EP400: variants seen among roughly 807,000 people sequenced by gnomAD.
The protein encoded by EP400 is E1A binding protein p400.
EP400 carries 105 observed loss-of-function variants against 354.1 expected under a neutral mutation model. The observed-to-expected ratio is 0.30, with a 90% confidence interval of 0.25 to 0.35. The LOEUF (loss-of-function observed/expected upper bound fraction) is 0.35, where lower values mean the gene tolerates loss of function less well. EP400 is among the 10% of genes least tolerant of loss of function. The probability of loss-of-function intolerance (pLI) is 1.00; values close to 1 mark genes in which losing one functional copy is unlikely to be tolerated. For missense variants in EP400, 3,280 were observed against 4,121.0 expected (o/e 0.80, Z 5.59); for synonymous variants, 1,646 against 1,716.9 (o/e 0.96, Z 1.02).
chr12:132,044,445 A>G, intron 35 of EP400, 134 bp downstream of exon 35: 2 of 1,332,130 alleles, frequency 1.5e-6, no homozygotes, highest in Admixed American at 2.7e-5. Context: ...TCATATCAAC[A>G]CAACCTCACT....
intron 21 of EP400, among the ~76,000 whole-genome samples, chr12:132,019,171 T>C (rs1894039142): frequency 6.6e-6 from 1 of 152,200 alleles, no homozygotes; most frequent in Admixed American, 6.5e-5. Context: ...CAGTGGGTGC[T>C]AGTCTGTCTT....
At chr12:132,014,391 G>A (rs1190824808) in intron 19 of EP400, among the ~76,000 whole-genome samples, 1 of 152,146 alleles carries the variant, frequency 6.6e-6, no homozygotes, top group East Asian at 1.9e-4. Context: ...CCATGTGATG[G>A]CCAGCCGCTG....
Position 131,987,796 on chromosome 12 carries a change from C to G in EP400, c.2315C>G (p.Pro772Arg). 1 of 1,613,338 alleles carries G rather than the reference C, an allele frequency of 6.2e-7. No homozygotes were observed. The highest frequency in any genetic ancestry group is 1.1e-5 in the South Asian group (1 of 90,990). ...RLPKLQEAPRPKSHWDYLLEE... is the reference protein window; with the variant it reads ...RLPKLQEAPRRKSHWDYLLEE... The stretch of plus-strand genomic sequence containing the variant: ...CCAAAGCTGCAGGAGGCCCCACGCC[C>G]CAAGTCCCACTGGGACTATCTGCTG... The change falls in exon 7 of 53, where the codon CCC (proline) becomes CGC (arginine). Residue 772 changes from proline to arginine, a missense_variant. Coordinates refer to ENST00000389561, the MANE Select transcript of EP400 (RefSeq NM_015409.5).
intron 1 of EP400, among the ~76,000 whole-genome samples, chr12:131,959,817 C>A (rs1444049213): frequency 6.6e-6 from 1 of 152,238 alleles, no homozygotes; most frequent in Non-Finnish European, 1.5e-5. Flanking sequence ...TAGCTCCTGG[C>A]ACAGGCTGGC....
In EP400 at chr12:132,052,498, G is replaced by A. The variant is rs368866277; in HGVS notation, c.7395-648G>A. Among the ~76,000 whole-genome samples, 2 of 152,192 alleles carry A rather than the reference G, an allele frequency of 1.3e-5. No individual in the cohort carries two copies. Among genetic ancestry groups the A allele is most frequent in the African/African-American group, 2.4e-5 (1 of 41,446 alleles). On this transcript the variant is annotated intron_variant, in intron 41 of 52. Transcript: ENST00000389561. The surrounding 1 kb of genome is among the most constrained non-coding windows in gnomAD (Gnocchi z 4.4). The stretch of plus-strand genomic sequence containing the variant: ...TGCCCTCGTGAGATGTTTTCAGAGC[G>A]CACTGTTGAGAATTGCAGCCCCGCC...
rs1312464012 is a variant in EP400 at position 132,045,476 on chromosome 12, C to T, written c.6942C>T (p.Pro2314=). ...LLKQQVPFAK[P]LPTFAKPTAE... ...AGCAGCAGGTGCCATTCGCCAAGCC[C>T]CTGCCAACTTTTGCCAAACCCACAG... Residue 2314 remains proline, a synonymous_variant, in exon 38 of 53, where the codon CCC becomes CCT. Transcript: ENST00000389561. 8 of 1,614,086 alleles carry T rather than the reference C, an allele frequency of 5.0e-6. No individual in the cohort carries two copies. The highest frequency in any genetic ancestry group is 6.8e-6 in the Non-Finnish European group (8 of 1,180,048).
chr12:132,009,745 A>C (rs1010579685), intron 15 of EP400, among the ~76,000 whole-genome samples: 1 of 151,400 alleles, frequency 6.6e-6, no homozygotes, highest in African/African-American at 2.4e-5. Flanking sequence ...CTGCAGCCTC[A>C]GCCTCCTGGG....
At chr12:132,074,572 T>C (rs566300295) in intron 51 of EP400, among the ~76,000 whole-genome samples, 32 of 152,334 alleles carry the variant, frequency 2.1e-4, no homozygotes, top group Non-Finnish European at 3.8e-4. Flanking sequence ...CTCATGTCTT[T>C]AGGAAATAAG....
At chr12:132,065,593 G>C (rs1441169942) in intron 48 of EP400, 1 of 152,296 alleles carries the variant, frequency 6.6e-6, no homozygotes, top group East Asian at 1.9e-4. Context: ...GAGGCATGTA[G>C]GCTAAGTTCC....
rs983470906 is a variant in EP400, at chr12:132,053,772, T to C, written c.7728+175T>C. On this transcript the variant is annotated intron_variant, in intron 43 of 52. Transcript: ENST00000389561. Reference sequence around the variant, plus strand: ...GCTTAGTCTCATCCCAGAGGAATTGTGTGTTTTCACCTGGATTCTGCCATT... The same window carrying C: ...GCTTAGTCTCATCCCAGAGGAATTGCGTGTTTTCACCTGGATTCTGCCATT... Among the ~76,000 whole-genome samples the C allele has an allele frequency of 3.3e-5, 5 of 152,352 alleles. No individual in the cohort carries two copies. In the South Asian group the frequency reaches 1.0e-3, roughly 32 times the overall value.
chr12:131,966,160 C>T lies in EP400; in HGVS notation c.1335+4206C>T, dbSNP rs557678814. Among the ~76,000 whole-genome samples, 32 of 152,020 alleles carry T rather than the reference C, an allele frequency of 2.1e-4. No homozygotes were observed. In the South Asian group the frequency reaches 3.3e-3, roughly 16 times the overall value. ...ATCCCAGCACTTTGGGATGCTGAGG[C>T]GGGAGGATTGCTTGAGGCCAGAAAT... is the stretch of plus-strand genomic sequence containing the variant. On this transcript the variant is annotated intron_variant, in intron 2 of 52. Coordinates refer to ENST00000389561, the MANE Select transcript of EP400 (RefSeq NM_015409.5).
At chr12:132,004,887 G>GA (rs2136522155) in intron 12 of EP400, among the ~76,000 whole-genome samples, 190 bp from the exon 13 acceptor site, 2 of 152,200 alleles carry the variant, frequency 1.3e-5, no homozygotes, top group South Asian at 4.1e-4. Flanking sequence ...TTAGTTTTTA[G>GA]AAAAAACAAG....
intron 5 of EP400, among the ~76,000 whole-genome samples, chr12:131,982,969 C>CA (rs57882341): frequency 0.17 from 19,286 of 112,174 alleles, 2,022 homozygotes; most frequent in African/African-American, 0.32. Context: ...GACTCTGTCT[C>CA]AAAAAAAAAA....
At chr12:132,065,029 G>T in intron 48 of EP400, 143 bp downstream of exon 48, 1 of 1,407,382 alleles carries the variant, frequency 7.1e-7, no homozygotes, top group East Asian at 2.5e-5. Flanking sequence ...AGTACCCCTT[G>T]GACAGAGGAC....
chr12:132,064,586 G>A lies in EP400; in HGVS notation c.8335-82G>A, dbSNP rs920386097. On this transcript the variant is annotated intron_variant, in intron 47 of 52. Coordinates refer to ENST00000389561, the MANE Select transcript of EP400 (RefSeq NM_015409.5). The stretch of plus-strand genomic sequence containing the variant: ...GCTTTGGTATTTAATGGGCAGTAGA[G>A]GGGTGGCTTAGGAACAAGATGTCTA... 24 of 1,536,932 alleles carry A rather than the reference G, an allele frequency of 1.6e-5. No individual in the cohort carries two copies. In the African/African-American group the frequency reaches 3.1e-4, roughly 20 times the overall value.
chr12:132,002,044 A>C (rs910779041), intron 12 of EP400, among the ~76,000 whole-genome samples: 2 of 152,186 alleles, frequency 1.3e-5, no homozygotes, highest in African/African-American at 4.8e-5. Flanking sequence ...TCATTGTGGA[A>C]GTTACTTTAG....
At chr12:132,035,139 G>A (rs1894651353) in intron 30 of EP400, among the ~76,000 whole-genome samples, 1 of 152,168 alleles carries the variant, frequency 6.6e-6, no homozygotes, top group South Asian at 2.1e-4. Flanking sequence ...GTGAGAGGCC[G>A]CTCCAGCTCA....
intron 2 of EP400, among the ~76,000 whole-genome samples, chr12:131,974,384 G>A (rs1892397611): frequency 6.6e-6 from 1 of 152,028 alleles, no homozygotes; most frequent in South Asian, 2.1e-4. Context: ...CCAAAATGCT[G>A]GAATTACAGG....
intron 2 of EP400, among the ~76,000 whole-genome samples, 194 bp from the exon 3 acceptor site, chr12:131,979,500 G>A (rs1008108881): frequency 1.8e-4 from 27 of 152,052 alleles, no homozygotes; most frequent in Non-Finnish European, 3.2e-4. Context: ...TTCCCCCAGA[G>A]GTAAGTTAGA....
Sources: allele counts gnomAD v4.1 joint callset (sites outside exome capture counted in the v4.1 genomes callset), GRCh38; gene constraint gnomAD v4.1.1; non-coding constraint Gnocchi (gnomAD v3.1); transcripts MANE v1.5; gene names NCBI Gene and HGNC (gene_info 2026-07-23, HGNC 2026-07-21).